Variants in MCF2L observed in about 807,000 individuals in gnomAD.
MCF2L encodes the protein guanine nucleotide exchange factor DBS.
Under a neutral mutation model 153.4 loss-of-function variants are expected in MCF2L, and 97 were observed. The observed-to-expected ratio is 0.63, with a 90% CI of 0.54 to 0.75. The LOEUF (loss-of-function observed/expected upper bound fraction) is 0.75. Ranked by LOEUF, MCF2L falls within the 30% of genes least tolerant of loss-of-function variation. The pLI, the probability that MCF2L is intolerant of heterozygous loss-of-function variation, is 0.00. For synonymous variants in MCF2L, 659 were observed against 632.2 expected (o/e 1.04, Z -0.64); for missense variants, 1,347 against 1,495.2 (o/e 0.90, Z 1.64).
chr13:113,045,104 G>C lies in MCF2L; in HGVS notation c.279-167G>C. 1.1e-6 allele frequency: 1 copy of C among 913,702 alleles called. No homozygotes were observed. The highest frequency in any genetic ancestry group is 1.7e-6 in the Non-Finnish European group (1 of 587,680). The allele number at this position is 913,702 out of a possible 1,614,324, so 56.6% of individuals were successfully genotyped here. On this transcript the variant is annotated intron_variant, in intron 3 of 29. Coordinates refer to ENST00000535094, the MANE Select transcript of MCF2L (RefSeq NM_001112732.3). The surrounding 1 kb of genome is among the most constrained non-coding windows in gnomAD (Gnocchi z 4.2). ...GATGAGAGCAGGTTCTGGGACTGCG[G>C]GGATGGGGCTGCCGGGGCCCCCGTG...
At chr13:113,089,475 A>AGTGTGTGGCCCCTCAGAAGC (rs2034987089) in intron 25 of MCF2L, 135 bp from the exon 26 acceptor site, 1 of 673,566 alleles carries the variant, frequency 1.5e-6, no homozygotes, top group Admixed American at 2.5e-5. Flanking sequence ...TTAACTTAGA[A>AGTGTGTGGCCCCTCAGAAGC]ACACGTGCAG....
At position 113,087,431 on chromosome 13, in the gene MCF2L, C is replaced by T; in HGVS notation, c.2570C>T (p.Ser857Phe). Residue 857 changes from serine (S) to phenylalanine (F), a missense_variant, in exon 22 of 30, where the codon TCC becomes TTC. Around this residue, in one of 3 missense-constraint regions of MCF2L, gnomAD observed 144 missense variants for 238.7 expected, o/e 0.60. Coordinates refer to ENST00000535094, the MANE Select transcript of MCF2L (RefSeq NM_001112732.3). Reference protein sequence around the residue: ...ENGEGYEKAPSYSYKQSLNMA... With the variant: ...ENGEGYEKAPFYSYKQSLNMA... ...GGGGAGGGGTATGAGAAAGCTCCCT[C>T]CTACAGCTACAAGCAGTCCTTAAAC... is the stretch of plus-strand genomic sequence containing the variant. The T allele has an allele frequency of 1.2e-6, 2 of 1,611,774 alleles. No individual in the cohort carries two copies. The highest frequency in any genetic ancestry group is 1.3e-5 in the African/African-American group (1 of 75,032).
chr13:113,047,561 C>A (rs1259357747), intron 4 of MCF2L, among the ~76,000 whole-genome samples: 2 of 152,254 alleles, frequency 1.3e-5, no homozygotes, highest in African/African-American at 4.8e-5. Context: ...ACAGCCGCAT[C>A]TTTTATGCTT....
In MCF2L at chr13:113,064,281, C is replaced by T; in HGVS notation, c.490-23C>T. The T allele has an allele frequency of 2.0e-6, 3 of 1,531,142 alleles. No homozygotes were observed. The highest frequency in any genetic ancestry group is 1.4e-5 in the African/African-American group (1 of 73,362). 94.8% of individuals were successfully genotyped at this position (1,531,142 alleles called of 1,614,324 possible). ...AGCCAACAATAATCCCAAACACTAC[C>T]ACGCATTCCCTTTCTCCTCCAGGTC... On this transcript the variant is annotated intron_variant, in intron 5 of 29. Transcript: ENST00000535094. The surrounding 1 kb of genome is among the most constrained non-coding windows in gnomAD (Gnocchi z 6.0).
At position 112,969,309 on chromosome 13, in the gene MCF2L, C is replaced by T. The variant is rs917081901; in HGVS notation, c.-71C>T. ...CCGCCGCGCCCCCTCCGCACTCGCA[C>T]GGCCCCACCCGCAGGCGCCCCCCGT... is the stretch of plus-strand genomic sequence containing the variant. On this transcript the variant is annotated 5_prime_UTR_variant, in exon 1 of 30. The change creates a new upstream start codon in the 5' untranslated region. Transcript: ENST00000535094. The surrounding 1 kb of genome is among the most constrained non-coding windows in gnomAD (Gnocchi z 4.8). 3.1e-5 allele frequency: 47 copies of T among 1,536,226 alleles called. No individual in the cohort carries two copies. The African/African-American group carries it at 5.4e-4, about 18-fold the overall frequency.
intron 1 of MCF2L, among the ~76,000 whole-genome samples, chr13:113,010,696 C>T (rs1328760242): frequency 6.6e-6 from 1 of 151,636 alleles, no homozygotes; most frequent in African/African-American, 2.4e-5. Flanking sequence ...GATGTGAGGC[C>T]CTAACCCTCC....
intron 2 of MCF2L, among the ~76,000 whole-genome samples, chr13:112,942,276 A>G (rs568397323): frequency 5.1e-4 from 78 of 152,370 alleles, no homozygotes; most frequent in Non-Finnish European, 8.5e-4. Context: ...TCTGATAAGC[A>G]GAAATAATGG....
In MCF2L at chr13:112,909,116, G is replaced by C. The variant is rs78114366; in HGVS notation, c.169+6745G>C. 4.3e-3 allele frequency: 3,141 copies of C among 725,644 alleles called. 76 individuals carry two copies. In the African/African-American group the frequency reaches 0.048, roughly 11 times the overall value. 45.0% of individuals were successfully genotyped at this position (725,644 alleles called of 1,614,324 possible). On this transcript the variant is annotated intron_variant, in intron 2 of 29. Transcript: ENST00000375608. Reference sequence around the variant, plus strand: ...TGGTTTGAACTGTTCCCACTGCAAAGAAATTCTCTCCCTCCTGCTTGCCTC... The same window carrying C: ...TGGTTTGAACTGTTCCCACTGCAAACAAATTCTCTCCCTCCTGCTTGCCTC...
intron 2 of MCF2L, among the ~76,000 whole-genome samples, chr13:112,927,031 G>GA (rs2081414620): frequency 6.6e-6 from 1 of 152,092 alleles, no homozygotes; most frequent in African/African-American, 2.4e-5. Context: ...CAATTTAAAA[G>GA]AAAAAAGATG....
chr13:112,930,499 A>G (rs2081451186), intron 2 of MCF2L, among the ~76,000 whole-genome samples: 3 of 152,214 alleles, frequency 2.0e-5, no homozygotes, highest in Admixed American at 2.0e-4. Flanking sequence ...AAAACTATGG[A>G]GACAGTGACA....
Position 113,046,525 on chromosome 13 carries a change from C to G in MCF2L, c.369+1164C>G, listed in dbSNP as rs549177855. On this transcript the variant is annotated intron_variant, in intron 4 of 29. Transcript: ENST00000535094. This position sits in a 1 kb window ranked among gnomAD's most constrained non-coding sequence, Gnocchi z 4.4. Reference sequence around the variant, plus strand: ...CTCTCGGTGGCTGCTGGCTGGTGCGCCAAGGTTTGAGGTATACTGAAAAAA... The same window carrying G: ...CTCTCGGTGGCTGCTGGCTGGTGCGGCAAGGTTTGAGGTATACTGAAAAAA... 7.4e-5 allele frequency: 39 copies of G among 528,864 alleles called. No individual in the cohort carries two copies. The highest frequency in any genetic ancestry group is 4.1e-4 in the African/African-American group (21 of 51,320). 32.8% of individuals were successfully genotyped at this position (528,864 alleles called of 1,614,324 possible). A position where few individuals can be genotyped will look rare whatever the true frequency, so the allele number is the denominator to read the frequency against.
rs1367821139 is a variant in MCF2L, at chr13:113,033,306, C to T, written c.278+8548C>T. 6.7e-4 allele frequency among the ~76,000 whole-genome samples: 64 copies of T among 96,016 alleles called. 1 individual carries two copies. Among genetic ancestry groups the T allele is most frequent in the African/African-American group, 1.7e-3 (37 of 21,296 alleles). 63.0% of individuals were successfully genotyped at this position (96,016 alleles called of 152,430 possible). On this transcript the variant is annotated intron_variant, in intron 3 of 29. Coordinates refer to ENST00000535094, the MANE Select transcript of MCF2L (RefSeq NM_001112732.3). ...CCTGTGACATTAGTGGACCCCGTGG[C>T]GTGAGTGGCCCCTGTGGCGTGAGTG...
In MCF2L at chr13:112,924,391, CA is replaced by C. The variant is rs553951779; in HGVS notation, c.169+22027del. The stretch of plus-strand genomic sequence containing the variant: ...AAAATAATCATTGGATAAAATGCTA[CA>C]AAAAAATAAGGGAATTAATAAATTT... On this transcript the variant is annotated intron_variant, in intron 2 of 29. Coordinates refer to the MCF2L transcript ENST00000375608. Among the ~76,000 whole-genome samples the C allele has an allele frequency of 5.0e-3, 753 of 151,852 alleles. 2 individuals carry two copies. Among genetic ancestry groups the C allele is most frequent in the Non-Finnish European group, 7.8e-3 (532 of 67,954 alleles).
intron 1 of MCF2L, among the ~76,000 whole-genome samples, chr13:112,994,659 C>A (rs936254995): frequency 1.3e-5 from 2 of 152,208 alleles, no homozygotes; most frequent in Admixed American, 6.5e-5. Context: ...GGTGAGGCCG[C>A]GCGATGTCCT....
chr13:113,000,341 C>T (rs1468518645), intron 1 of MCF2L, among the ~76,000 whole-genome samples: 2 of 152,106 alleles, frequency 1.3e-5, no homozygotes, highest in African/African-American at 2.4e-5. Context: ...CACAGCCCCT[C>T]GGTGGTCGTG....
chr13:113,040,597 A>G (rs1186518371), intron 3 of MCF2L: 1 of 152,572 alleles, frequency 6.6e-6, no homozygotes, highest in Non-Finnish European at 1.5e-5. Context: ...CTGGCCACGC[A>G]CTGTTGATTC....
rs575458437 is a variant in MCF2L at position 112,991,325 on chromosome 13, T to C, written c.79+21867T>C. Among the ~76,000 whole-genome samples the C allele has an allele frequency of 7.5e-5, 11 of 146,710 alleles. No individual in the cohort carries two copies. In the South Asian group the frequency reaches 2.5e-3, roughly 34 times the overall value. ...GTCTCCCAGGACCTGATTTGCTGTG[T>C]TTTGGGGGGCATCTCCCAGGACCTG... On this transcript the variant is annotated intron_variant, in intron 1 of 29. Transcript: ENST00000535094.
At chr13:112,931,357 G>A (rs1453118045) in intron 2 of MCF2L, among the ~76,000 whole-genome samples, 1 of 152,214 alleles carries the variant, frequency 6.6e-6, no homozygotes, top group Non-Finnish European at 1.5e-5. Context: ...GTAGATACAG[G>A]TCGGCAGTGC....
At chr13:113,057,352 G>A (rs563411572) in intron 4 of MCF2L, among the ~76,000 whole-genome samples, 57 of 147,364 alleles carry the variant, frequency 3.9e-4, no homozygotes, top group South Asian at 1.1e-3. Context: ...TGCTGTGTGG[G>A]CGCTGAGTGT....
Sources: gnomAD v4.1 joint callset for allele counts (sites outside exome capture counted in the v4.1 genomes callset) on GRCh38, gnomAD v4.1.1 for gene constraint, gnomAD v4.1.1 regional missense constraint, Gnocchi (gnomAD v3.1) non-coding constraint, MANE v1.5 for transcripts, NCBI Gene and HGNC (gene_info 2026-07-23, HGNC 2026-07-21) for gene names.